DLG2: variants seen among roughly 807,000 people sequenced by gnomAD.
The protein encoded by DLG2 is disks large homolog 2.
In DLG2, 45 loss-of-function variants were observed where a neutral mutation model predicts 132.5. That is an observed-to-expected ratio of 0.34 (90% CI 0.27 to 0.44). The LOEUF (loss-of-function observed/expected upper bound fraction) is 0.44. DLG2 is among the 20% of genes least tolerant of loss of function. The pLI is 1.00. For synonymous variants in DLG2, 424 were observed against 419.6 expected, an observed-to-expected ratio of 1.01 and a Z score of -0.13; for missense variants, 1,045 against 1,196.9, an observed-to-expected ratio of 0.87 and a Z score of 1.87.
At chr11:85,029,704 G>A (rs1371278096) in intron 6 of DLG2, among the ~76,000 whole-genome samples, 1 of 152,142 alleles carries the variant, frequency 6.6e-6, no homozygotes, top group African/African-American at 2.4e-5. Flanking sequence ...ACTATAACAA[G>A]TGGAGCTGTA....
chr11:84,126,306 C>T (rs1269722704), intron 9 of DLG2, among the ~76,000 whole-genome samples: 2 of 151,934 alleles, frequency 1.3e-5, no homozygotes, highest in Admixed American at 6.6e-5. Flanking sequence ...ATATTGATGG[C>T]AGAGGTCAAG....
chr11:84,567,777 A>G (rs1326198332), intron 6 of DLG2, among the ~76,000 whole-genome samples: 1 of 152,178 alleles, frequency 6.6e-6, no homozygotes, highest in Non-Finnish European at 1.5e-5. Flanking sequence ...TCCTTACGGA[A>G]AGTTCAACAA....
chr11:85,093,649 G>T (rs1387636469), intron 6 of DLG2, among the ~76,000 whole-genome samples: 1 of 152,120 alleles, frequency 6.6e-6, no homozygotes, highest in Non-Finnish European at 1.5e-5. Context: ...CGTGTGCGGG[G>T]GAACTCTCGA....
chr11:84,508,168 T>G (rs1251196022), intron 7 of DLG2, among the ~76,000 whole-genome samples: 1 of 152,198 alleles, frequency 6.6e-6, no homozygotes, highest in East Asian at 1.9e-4. Flanking sequence ...TGCTGCCTGC[T>G]CTACCTATTT....
intron 6 of DLG2, among the ~76,000 whole-genome samples, chr11:85,062,658 C>T (rs960674952): frequency 1.2e-4 from 18 of 151,292 alleles, no homozygotes; most frequent in African/African-American, 4.4e-4. Flanking sequence ...TATTAACTTA[C>T]CTCACAGAGA....
chr11:84,586,065 C>T (rs1032229239), intron 6 of DLG2, among the ~76,000 whole-genome samples: 4 of 150,290 alleles, frequency 2.7e-5, no homozygotes, highest in African/African-American at 7.4e-5. Context: ...GCAGGAGAAT[C>T]GCTTGAACCT....
intron 6 of DLG2, among the ~76,000 whole-genome samples, chr11:84,914,298 C>T (rs1052943122): frequency 3.9e-5 from 6 of 152,074 alleles, no homozygotes; most frequent in Non-Finnish European, 5.9e-5. Context: ...CCAGACCCTC[C>T]CATGGTCAAA....
chr11:85,405,213 T>C (rs1057388940), intron 3 of DLG2, among the ~76,000 whole-genome samples: 17 of 152,002 alleles, frequency 1.1e-4, no homozygotes, highest in African/African-American at 3.9e-4. Context: ...TTTCATTTTA[T>C]AAAATGAATG....
chr11:85,270,258 G>C (rs569183058), intron 4 of DLG2, among the ~76,000 whole-genome samples: 9 of 152,292 alleles, frequency 5.9e-5, no homozygotes, highest in Non-Finnish European at 1.2e-4. Context: ...TAAGTCTCAT[G>C]AGATCTGATG....
chr11:84,367,087 A>T lies in DLG2; in HGVS notation c.520-115796T>A, dbSNP rs529795078. 3.6e-3 allele frequency among the ~76,000 whole-genome samples: 549 copies of T among 152,260 alleles called. 8 individuals are homozygous for T. Among genetic ancestry groups the T allele is most frequent in the African/African-American group, 0.012 (505 of 41,554 alleles). ...AAGTAAAGCTCTCCTCAGCAAATGT[A>T]AAAGAATAGAAATTATAACAAACTA... On this transcript the variant is annotated intron_variant, in intron 7 of 27. Coordinates refer to ENST00000376104, the MANE Select transcript of DLG2 (RefSeq NM_001142699.3).
chr11:85,095,286 T>C (rs995962862), intron 6 of DLG2, among the ~76,000 whole-genome samples: 1 of 152,204 alleles, frequency 6.6e-6, no homozygotes, highest in Non-Finnish European at 1.5e-5. Context: ...ATGTTGCCAA[T>C]AGACTTGCTA....
chr11:84,846,674 C>G (rs1390613580), intron 6 of DLG2, among the ~76,000 whole-genome samples: 2 of 152,048 alleles, frequency 1.3e-5, no homozygotes, highest in African/African-American at 4.8e-5. Flanking sequence ...TTATTAGAAC[C>G]CTATGTAGTC....
intron 10 of DLG2, among the ~76,000 whole-genome samples, chr11:84,098,674 T>A (rs7950555): frequency 6.6e-6 from 1 of 152,158 alleles, no homozygotes; most frequent in African/African-American, 2.4e-5. Context: ...AACAAAAGAT[T>A]TATCTTCATC....
At chr11:83,601,818 C>T (rs1455378243) in intron 19 of DLG2, among the ~76,000 whole-genome samples, 1 of 152,030 alleles carries the variant, frequency 6.6e-6, no homozygotes, top group Non-Finnish European at 1.5e-5. Context: ...GCACAGGGCT[C>T]AGCCGTCAAT....
chr11:83,484,793 A>AAAT (rs1354867744), intron 21 of DLG2, among the ~76,000 whole-genome samples: 1 of 152,182 alleles, frequency 6.6e-6, no homozygotes, highest in African/African-American at 2.4e-5. Flanking sequence ...AGTTTTAATT[A>AAAT]AATTAAAACT....
At chr11:83,913,045 C>T (rs2076331274) in intron 15 of DLG2, among the ~76,000 whole-genome samples, 1 of 152,080 alleles carries the variant, frequency 6.6e-6, no homozygotes, top group South Asian at 2.1e-4. Flanking sequence ...GTTAATATCC[C>T]ACAGACTTCT....
intron 3 of DLG2, among the ~76,000 whole-genome samples, chr11:85,485,269 G>A (rs2093403343): frequency 6.6e-6 from 1 of 152,128 alleles, no homozygotes; most frequent in East Asian, 1.9e-4. Context: ...GAGTTAGTGG[G>A]TGCAGCGCAC....
chr11:83,886,098 A>T (rs1345937569), intron 15 of DLG2, among the ~76,000 whole-genome samples: 1 of 152,190 alleles, frequency 6.6e-6, no homozygotes, highest in Non-Finnish European at 1.5e-5. Flanking sequence ...ACACATAACA[A>T]TATTAACCTT....
At chr11:84,995,425 C>A (rs535495601) in intron 6 of DLG2, among the ~76,000 whole-genome samples, 2 of 152,244 alleles carry the variant, frequency 1.3e-5, no homozygotes, top group African/African-American at 4.8e-5. Context: ...CAGTGCTCAT[C>A]ATAGCTCTTA....
Sources: allele counts gnomAD v4.1 joint callset (sites outside exome capture counted in the v4.1 genomes callset), GRCh38; gene constraint gnomAD v4.1.1; transcripts MANE v1.5; gene names NCBI Gene and HGNC (gene_info 2026-07-23, HGNC 2026-07-21).